The following CECR2 variants were observed in gnomAD, a reference collection of about 807,000 sequenced individuals.
CECR2 encodes the protein chromatin remodeling regulator CECR2.
A neutral mutation model predicts 154.5 loss-of-function variants in CECR2; 30 were observed. The observed-to-expected ratio is 0.19, with a 90% CI of 0.15 to 0.26. CECR2 has a LOEUF of 0.26. Ranked by LOEUF, CECR2 falls within the 10% of genes least tolerant of loss-of-function variation. The pLI is 1.00. For synonymous variants in CECR2, 725 were observed against 683.7 expected, an observed-to-expected ratio of 1.06 and a Z score of -0.94; for missense variants, 1,743 against 1,829.3, an observed-to-expected ratio of 0.95 and a Z score of 0.86.
intron 1 of CECR2, among the ~76,000 whole-genome samples, chr22:17,381,357 C>T (rs184788887): frequency 1.4e-4 from 21 of 151,136 alleles, no homozygotes; most frequent in East Asian, 1.4e-3. Flanking sequence ...GCTTGTGACA[C>T]GTAACTCTAG....
chr22:17,537,019 T>C, intron 9 of CECR2, 84 bp from the exon 10 acceptor site: 1 of 1,519,868 alleles, frequency 6.6e-7, no homozygotes, highest in Non-Finnish European at 8.9e-7. Flanking sequence ...GGCCTGGTTC[T>C]TCCTTCTCTC....
At position 17,549,305 on chromosome 22, in the gene CECR2, A is replaced by T. The variant is rs987519738; in HGVS notation, c.4018A>T (p.Ser1340Cys). The change falls in exon 17 of 19, where the codon AGT becomes TGT. Residue 1340 changes from serine to cysteine, a missense_variant. By Grantham distance (112) the Ser-to-Cys change is moderately radical. Around this residue, in one of 4 missense-constraint regions of CECR2, gnomAD observed 1,250 missense variants for 1,192.1 expected, o/e 1.05. Transcript: ENST00000262608. ...TGGTTCATCTGCATTTCCACCCCAC[A>T]GTGTGATGCTGCAGACGGGGCCTCC... The part of the protein sequence containing the change: ...GFGSSAFPPH[S>C]VMLQTGPPYT... The T allele has an allele frequency of 3.1e-6, 5 of 1,613,934 alleles. No individual in the cohort carries two copies. In the South Asian group the frequency reaches 4.4e-5, roughly 14 times the overall value.
chr22:17,516,730 G>A (rs1335532494), intron 8 of CECR2, among the ~76,000 whole-genome samples: 10 of 152,106 alleles, frequency 6.6e-5, no homozygotes, highest in Admixed American at 6.5e-4. Context: ...GAGTAGCTGG[G>A]ATTACATGCA....
At chr22:17,402,891 G>A (rs2146538919) in intron 1 of CECR2, among the ~76,000 whole-genome samples, 1 of 152,030 alleles carries the variant, frequency 6.6e-6, no homozygotes, top group East Asian at 1.9e-4. Flanking sequence ...CTGAGTGGCT[G>A]GGATTACAGG....
chr22:17,481,049 T>TAAAAAAAAAAGAAAAAAAAAAA (rs2055304310), intron 2 of CECR2, among the ~76,000 whole-genome samples: 1 of 92,068 alleles, frequency 1.1e-5, no homozygotes, highest in Non-Finnish European at 2.4e-5. Context: ...CTTTTTTTTT[T>TAAAAAAAAAAGAAAAAAAAAAA]AAAAAAAAAA....
chr22:17,530,678 C>T (rs1275852163), intron 9 of CECR2, among the ~76,000 whole-genome samples: 5 of 149,030 alleles, frequency 3.4e-5, no homozygotes, highest in Non-Finnish European at 5.9e-5. Flanking sequence ...CTCTGTCCCC[C>T]TCAAAAAAGA....
chr22:17,530,663 C>G (rs188719598), intron 9 of CECR2, among the ~76,000 whole-genome samples: 2 of 150,596 alleles, frequency 1.3e-5, no homozygotes, highest in African/African-American at 2.4e-5. Context: ...GGCAACAGAG[C>G]GAGACTCTGT....
rs190296072 is a variant in CECR2, at chr22:17,490,754, G to A, written c.222-6649G>A. On this transcript the variant is annotated intron_variant, in intron 2 of 18. Coordinates refer to ENST00000262608, the MANE Select transcript of CECR2 (RefSeq NM_001290047.2). ...ATGAGCCACCATGCCAGGCCTCCTT[G>A]TGTTTTTTTAAAGTGTACAATTCAT... is the stretch of plus-strand genomic sequence containing the variant. Among the ~76,000 whole-genome samples the A allele has an allele frequency of 7.2e-5, 11 of 152,066 alleles. No homozygotes were observed. The East Asian group carries it at 2.1e-3, about 29-fold the overall frequency.
At chr22:17,446,837 G>A (rs976709769) in intron 1 of CECR2, among the ~76,000 whole-genome samples, 1 of 152,120 alleles carries the variant, frequency 6.6e-6, no homozygotes, top group African/African-American at 2.4e-5. Context: ...GCCGCTGTGA[G>A]GTGGCCAGCT....
intron 8 of CECR2, among the ~76,000 whole-genome samples, chr22:17,512,226 T>C (rs1433937207): frequency 6.6e-6 from 1 of 151,608 alleles, no homozygotes; most frequent in Non-Finnish European, 1.5e-5. Context: ...AGAATTTGAG[T>C]AGGCAGAGCC....
chr22:17,504,626 A>G (rs1006396880), intron 6 of CECR2, among the ~76,000 whole-genome samples: 2 of 147,952 alleles, frequency 1.4e-5, no homozygotes, highest in African/African-American at 2.5e-5. Context: ...TATTTTTAGT[A>G]GAGACGGGGT....
Position 17,549,138 on chromosome 22 carries a change from A to G in CECR2, c.3851A>G (p.Asp1284Gly). The change falls in exon 17 of 19, where the codon GAT (aspartate) becomes GGT (glycine). Residue 1284 changes from aspartate (D) to glycine (G), a missense_variant. By Grantham distance (94) the Asp-to-Gly change is moderately conservative. Around this residue, in one of 4 missense-constraint regions of CECR2, gnomAD observed 1,250 missense variants for 1,192.1 expected, o/e 1.05. Coordinates refer to ENST00000262608, the MANE Select transcript of CECR2 (RefSeq NM_001290047.2). ...CCTGGTCCAGAGGAAGAGAAGCTGG[A>G]TGAATCTATGGAGAGGCCAGAGAGT... is the stretch of plus-strand genomic sequence containing the variant. ...QNPGPEEEKL[D>G]ESMERPESPK... 1 of 1,614,034 alleles carries G rather than the reference A, an allele frequency of 6.2e-7. No individual in the cohort carries two copies. Among genetic ancestry groups the G allele is most frequent in the Non-Finnish European group, 8.5e-7 (1 of 1,179,884 alleles).
At chr22:17,404,466 C>T (rs1268476147) in intron 1 of CECR2, among the ~76,000 whole-genome samples, 1 of 119,546 alleles carries the variant, frequency 8.4e-6, no homozygotes, top group East Asian at 3.1e-4. Context: ...CTCCGCCTCT[C>T]GGGTTCACGC....
chr22:17,503,346 C>T (rs1389588341), intron 6 of CECR2, among the ~76,000 whole-genome samples: 1 of 152,180 alleles, frequency 6.6e-6, no homozygotes, highest in African/African-American at 2.4e-5. Context: ...GATCTTTTCA[C>T]TAGTGCCCTG....
At chr22:17,409,130 TTTTG>T (rs1555904388) in intron 1 of CECR2, among the ~76,000 whole-genome samples, 31 of 152,080 alleles carry the variant, frequency 2.0e-4, no homozygotes, top group Admixed American at 8.5e-4. Context: ...TCTTGTTTTT[TTTTG>T]TTTGTTTGTT....
chr22:17,540,162 G>A (rs1177800615), intron 13 of CECR2, among the ~76,000 whole-genome samples: 1 of 152,126 alleles, frequency 6.6e-6, no homozygotes, highest in Non-Finnish European at 1.5e-5. Flanking sequence ...TAGAGGCCCT[G>A]TCCCAACCAT....
intron 8 of CECR2, chr22:17,518,689 G>T: frequency 2.3e-6 from 1 of 444,318 alleles, no homozygotes; most frequent in Non-Finnish European, 4.6e-6. Context: ...ATGAATTACT[G>T]TTTGCATTCA....
chr22:17,523,687 C>G (rs2056197946), intron 8 of CECR2, among the ~76,000 whole-genome samples: 2 of 144,290 alleles, frequency 1.4e-5, no homozygotes, highest in Admixed American at 7.4e-5. Flanking sequence ...ACCCGGGAGG[C>G]AGAGCTTGCA....
intron 9 of CECR2, among the ~76,000 whole-genome samples, chr22:17,531,826 T>C (rs1486274181): frequency 6.6e-6 from 1 of 152,168 alleles, no homozygotes; most frequent in Non-Finnish European, 1.5e-5. Context: ...CCTGAGAGGA[T>C]GTTCTTAATA....
Sources: allele counts gnomAD v4.1 joint callset (sites outside exome capture counted in the v4.1 genomes callset), GRCh38; gene constraint gnomAD v4.1.1; regional missense constraint gnomAD v4.1.1; transcripts MANE v1.5; gene names NCBI Gene and HGNC (gene_info 2026-07-23, HGNC 2026-07-21).